Variants in ARFGEF3 observed in about 807,000 individuals in gnomAD.
The protein encoded by ARFGEF3 is ARFGEF family member 3.
A neutral mutation model predicts 221.7 loss-of-function variants in ARFGEF3; 96 were observed. That is an observed-to-expected ratio of 0.43 (90% CI 0.37 to 0.51). ARFGEF3 has a LOEUF of 0.51. Among genes scored for constraint, ARFGEF3 ranks in the 20% least tolerant of loss-of-function variants. The pLI is 0.00. For missense variants in ARFGEF3, 2,410 were observed against 2,789.9 expected (o/e 0.86, Z 3.07); for synonymous variants, 1,145 against 1,126.8 (o/e 1.02, Z -0.32).
chr6:138,313,793 A>C lies in ARFGEF3; in HGVS notation c.4201-2A>C. 1 of 1,612,246 alleles carries C rather than the reference A, an allele frequency of 6.2e-7. No homozygotes were observed. The highest frequency in any genetic ancestry group is 8.5e-7 in the Non-Finnish European group (1 of 1,178,710). On this transcript the variant is annotated splice_acceptor_variant, in intron 25 of 33. Coordinates refer to ENST00000251691, the MANE Select transcript of ARFGEF3 (RefSeq NM_020340.5). LOFTEE classifies it high-confidence loss of function. ...GCAGTTTGTCTTTTTATTTTAATTTAGTTATTGGCCAAAATCTACAAAATG... is the reference window on the plus strand; with the variant it reads ...GCAGTTTGTCTTTTTATTTTAATTTCGTTATTGGCCAAAATCTACAAAATG...
Position 138,343,776 on chromosome 6 carries a change from G to A in ARFGEF3, c.*7290G>A, listed in dbSNP as rs938084519. ...GCTTTGTCCTACATTTCTTTCATCT[G>A]GTTCTTATTGGGAGTGCTTCTCTCT... On this transcript the variant is annotated 3_prime_UTR_variant, in exon 34 of 34. Transcript: ENST00000251691. 4 of 152,044 alleles carry A rather than the reference G, an allele frequency of 2.6e-5. No individual in the cohort carries two copies. The highest frequency in any genetic ancestry group is 9.7e-5 in the African/African-American group (4 of 41,402). The allele number at this position is 152,044 out of a possible 1,614,324, so 9.4% of individuals were successfully genotyped here.
At chr6:138,241,433 T>C (rs1368990138) in intron 6 of ARFGEF3, among the ~76,000 whole-genome samples, 2 of 152,238 alleles carry the variant, frequency 1.3e-5, no homozygotes, top group Admixed American at 1.3e-4. Flanking sequence ...CCATTCGTGT[T>C]ACTGCCTACC....
chr6:138,255,558 T>C lies in ARFGEF3; in HGVS notation c.893T>C (p.Val298Ala). The part of the protein sequence containing the change: ...SLESDSASPG[V>A]SDHGRGSGCS... ...GAGTCGGACTCTGCGTCTCCGGGAG[T>C]GTCTGACCACGGCCGAGGATCAGGC... Residue 298 changes from valine (V) to alanine (A), a missense_variant, in exon 10 of 34, where the codon GTG (valine) becomes GCG (alanine). By Grantham distance (64) the Val-to-Ala change is moderately conservative. This residue lies in a region of ARFGEF3 where 570 missense variants were observed against 586.9 expected (regional missense o/e 0.97). Transcript: ENST00000251691. 6.2e-7 allele frequency: 1 copy of C among 1,613,720 alleles called. No individual in the cohort carries two copies. The highest frequency in any genetic ancestry group is 8.5e-7 in the Non-Finnish European group (1 of 1,179,822).
chr6:138,308,379 T>C (rs1009375966), intron 23 of ARFGEF3, among the ~76,000 whole-genome samples: 1 of 152,192 alleles, frequency 6.6e-6, no homozygotes, highest in Admixed American at 6.5e-5. Context: ...ATAAAGAAAC[T>C]CATATATGCC....
At chr6:138,189,917 A>G (rs1777263441) in intron 2 of ARFGEF3, among the ~76,000 whole-genome samples, 1 of 151,872 alleles carries the variant, frequency 6.6e-6, no homozygotes, top group African/African-American at 2.4e-5. Flanking sequence ...CCGTCTCTAC[A>G]AACAACTTTT....
chr6:138,170,972 A>G (rs1397217947), intron 2 of ARFGEF3, among the ~76,000 whole-genome samples: 1 of 152,210 alleles, frequency 6.6e-6, no homozygotes, highest in African/African-American at 2.4e-5. Context: ...AGAGGGTGGA[A>G]CAGAGAAGAG....
chr6:138,217,931 A>C (rs1777902436), intron 4 of ARFGEF3: 2 of 1,535,764 alleles, frequency 1.3e-6, no homozygotes, highest in Admixed American at 2.0e-5. Context: ...TGGTAGCAGA[A>C]TTGCCTTTTC....
intron 31 of ARFGEF3, among the ~76,000 whole-genome samples, chr6:138,326,510 T>A (rs544598800): frequency 1.8e-4 from 28 of 152,044 alleles, no homozygotes; most frequent in Non-Finnish European, 3.4e-4. Context: ...GGCCAACATA[T>A]GAAAAAAGCT....
intron 8 of ARFGEF3, among the ~76,000 whole-genome samples, chr6:138,251,099 T>C (rs922308681): frequency 5.9e-5 from 9 of 152,180 alleles, no homozygotes; most frequent in Non-Finnish European, 1.0e-4. Context: ...GCGTTCAGTC[T>C]CCAAGGAGAC....
chr6:138,237,252 T>G lies in ARFGEF3; in HGVS notation c.421-1257T>G, dbSNP rs182274640. On this transcript the variant is annotated intron_variant, in intron 5 of 33. Transcript: ENST00000251691. The stretch of plus-strand genomic sequence containing the variant: ...TCAGTTGTCAATCATCAAATTAAAT[T>G]TGCCATGTAGGTGAGAATCCTGGAT... Among the ~76,000 whole-genome samples, 421 of 152,268 alleles carry G rather than the reference T, an allele frequency of 2.8e-3. 4 individuals are homozygous for G. The highest frequency in any genetic ancestry group is 4.4e-3 in the Non-Finnish European group (298 of 68,014).
intron 4 of ARFGEF3, among the ~76,000 whole-genome samples, chr6:138,222,355 G>A (rs144245185): frequency 6.6e-6 from 1 of 152,300 alleles, no homozygotes; most frequent in Non-Finnish European, 1.5e-5. Context: ...GTGCCCCGTG[G>A]GCCGCAGGGT....
rs146670689 is a variant in ARFGEF3, at chr6:138,198,974, A to G, written c.138-8068A>G. ...ATTGGCCTAGCCTAGGCATGGCAGC[A>G]CATGCCTGTAATCCCAGCACTTTGG... On this transcript the variant is annotated intron_variant, in intron 2 of 33. Coordinates refer to ENST00000251691, the MANE Select transcript of ARFGEF3 (RefSeq NM_020340.5). Among the ~76,000 whole-genome samples, 32 of 152,334 alleles carry G rather than the reference A, an allele frequency of 2.1e-4. No homozygotes were observed. The East Asian group carries it at 5.0e-3, about 24-fold the overall frequency.
intron 33 of ARFGEF3, among the ~76,000 whole-genome samples, chr6:138,335,693 T>C (rs551863740): frequency 9.9e-5 from 15 of 152,240 alleles, no homozygotes; most frequent in African/African-American, 3.4e-4. Flanking sequence ...TTGGATGACA[T>C]AGAGAGACCC....
At position 138,185,857 on chromosome 6, in the gene ARFGEF3, A is replaced by G. The variant is rs138441396; in HGVS notation, c.137+15144A>G. Among the ~76,000 whole-genome samples, 235 of 152,300 alleles carry G rather than the reference A, an allele frequency of 1.5e-3. 1 individual carries two copies. Among genetic ancestry groups the G allele is most frequent in the African/African-American group, 5.4e-3 (225 of 41,564 alleles). On this transcript the variant is annotated intron_variant, in intron 2 of 33. Coordinates refer to ENST00000251691, the MANE Select transcript of ARFGEF3 (RefSeq NM_020340.5). ...GTGACCCCCAGTAATGAGAGTTACC[A>G]ATTATGGCGTATTGTTCTATGCCAG...
At chr6:138,167,218 G>A (rs146845110) in intron 1 of ARFGEF3, among the ~76,000 whole-genome samples, 154 of 152,258 alleles carry the variant, frequency 1.0e-3, no homozygotes, top group African/African-American at 3.5e-3. Flanking sequence ...GTCCCCAGCT[G>A]TAAATATTTG....
rs978563109 is a variant in ARFGEF3, at chr6:138,265,596, G to C, written c.2128+1985G>C. On this transcript the variant is annotated intron_variant, in intron 12 of 33. Coordinates refer to ENST00000251691, the MANE Select transcript of ARFGEF3 (RefSeq NM_020340.5). ...TGACATTCTCTTATTGAACATTCTA[G>C]GGGTGTGTTTTGTGCATGTTTGTGT... Among the ~76,000 whole-genome samples the C allele has an allele frequency of 3.3e-5, 5 of 151,894 alleles. 1 individual carries two copies. Among genetic ancestry groups the C allele is most frequent in the Admixed American group, 6.6e-5 (1 of 15,250 alleles).
At position 138,344,345 on chromosome 6, in the gene ARFGEF3, A is replaced by C. The variant is rs1032794722; in HGVS notation, c.*7859A>C. The C allele has an allele frequency of 3.3e-5, 5 of 152,330 alleles. No individual in the cohort carries two copies. The highest frequency in any genetic ancestry group is 1.2e-4 in the African/African-American group (5 of 41,580). 9.4% of individuals were successfully genotyped at this position (152,330 alleles called of 1,614,324 possible). On this transcript the variant is annotated 3_prime_UTR_variant, in exon 34 of 34. Transcript: ENST00000251691. ...ACTCCAAAGGCCTTGTCAAGGAAGC[A>C]TAATTTTTTGTTTTGCCTTCTTATT...
rs145839316 is a variant in ARFGEF3, at chr6:138,186,053, G to A, written c.137+15340G>A. Among the ~76,000 whole-genome samples, 28 of 152,304 alleles carry A rather than the reference G, an allele frequency of 1.8e-4. No homozygotes were observed. The East Asian group carries it at 4.0e-3, about 22-fold the overall frequency. The stretch of plus-strand genomic sequence containing the variant: ...AGAGGTTCAAATATAGGTCTGACTC[G>A]AAAATTGTTTTTAATTATTCTGTTT... On this transcript the variant is annotated intron_variant, in intron 2 of 33. Transcript: ENST00000251691.
chr6:138,259,210 G>C (rs776825283), intron 10 of ARFGEF3, among the ~76,000 whole-genome samples: 1 of 152,202 alleles, frequency 6.6e-6, no homozygotes, highest in Non-Finnish European at 1.5e-5. Context: ...TGCACACAAA[G>C]AAAACCACTG....
Sources: gnomAD v4.1 joint callset for allele counts (sites outside exome capture counted in the v4.1 genomes callset) on GRCh38, gnomAD v4.1.1 for gene constraint, gnomAD v4.1.1 regional missense constraint, MANE v1.5 for transcripts, NCBI Gene and HGNC (gene_info 2026-07-23, HGNC 2026-07-21) for gene names.